The following KIAA1328 variants were observed in gnomAD, a reference collection of about 807,000 sequenced individuals.
KIAA1328 encodes protein hinderin.
Under a neutral mutation model 68.1 loss-of-function variants are expected in KIAA1328, and 52 were observed. That is an observed-to-expected ratio of 0.76 (90% CI 0.61 to 0.96). The LOEUF is 0.96. Ranked by LOEUF, KIAA1328 falls within the 40% of genes least tolerant of loss-of-function variation. The pLI is 0.00. For missense variants in KIAA1328, 641 were observed against 677.6 expected, an observed-to-expected ratio of 0.95 and a Z score of 0.60; for synonymous variants, 232 against 239.4, an observed-to-expected ratio of 0.97 and a Z score of 0.28.
chr18:37,077,740 A>T, intron 7 of KIAA1328, among the ~76,000 whole-genome samples: 1 of 140,900 alleles, frequency 7.1e-6, no homozygotes, highest in Non-Finnish European at 1.5e-5. Context: ...TGCTTCAAAG[A>T]GAATAAAATA....
At chr18:37,098,130 G>A (rs1286402930) in intron 7 of KIAA1328, among the ~76,000 whole-genome samples, 1 of 152,208 alleles carries the variant, frequency 6.6e-6, no homozygotes, top group African/African-American at 2.4e-5. Flanking sequence ...AGTGGTGAGA[G>A]AGGGCATCCC....
At chr18:36,860,492 C>T (rs1203424084) in intron 4 of KIAA1328, among the ~76,000 whole-genome samples, 1 of 151,970 alleles carries the variant, frequency 6.6e-6, no homozygotes, top group Non-Finnish European at 1.5e-5. Context: ...TCTGGTTACC[C>T]TGGAGAATTG....
intron 7 of KIAA1328, among the ~76,000 whole-genome samples, chr18:37,111,238 G>A (rs1371087838): frequency 6.6e-6 from 1 of 152,208 alleles, no homozygotes; most frequent in East Asian, 1.9e-4. Context: ...TGGAACTTAG[G>A]AACAGGCTGA....
At chr18:37,105,825 G>A (rs2057754610) in intron 7 of KIAA1328, among the ~76,000 whole-genome samples, 2 of 143,050 alleles carry the variant, frequency 1.4e-5, no homozygotes, top group Admixed American at 1.5e-4. Context: ...GCTGAGGTAG[G>A]AGAATCATTT....
chr18:37,097,484 G>A (rs1232838976), intron 7 of KIAA1328, among the ~76,000 whole-genome samples: 2 of 152,190 alleles, frequency 1.3e-5, no homozygotes, highest in Non-Finnish European at 2.9e-5. Flanking sequence ...CAGCCTTGTA[G>A]TATAGTTTGA....
intron 4 of KIAA1328, among the ~76,000 whole-genome samples, chr18:36,870,589 T>G (rs7235869): frequency 0.1 from 15,894 of 152,200 alleles, 2,800 homozygotes; most frequent in African/African-American, 0.36. Context: ...TCTTTTTAAC[T>G]TTTTATTTGA....
At chr18:37,047,391 A>T (rs530562554) in intron 6 of KIAA1328, among the ~76,000 whole-genome samples, 95 of 152,276 alleles carry the variant, frequency 6.2e-4, no homozygotes, top group African/African-American at 2.3e-3. Flanking sequence ...TTAGATGGGC[A>T]TAAGGAATTA....
intron 5 of KIAA1328, among the ~76,000 whole-genome samples, chr18:36,933,789 G>A (rs992460719): frequency 1.3e-5 from 2 of 152,254 alleles, no homozygotes; most frequent in African/African-American, 4.8e-5. Flanking sequence ...CTGTGGAGCA[G>A]CCAGGCAGGG....
At chr18:36,885,219 C>T (rs1030887736) in intron 4 of KIAA1328, among the ~76,000 whole-genome samples, 5 of 151,876 alleles carry the variant, frequency 3.3e-5, no homozygotes, top group African/African-American at 1.2e-4. Flanking sequence ...GTTTTGGTAA[C>T]AAAAAAATGA....
intron 4 of KIAA1328, among the ~76,000 whole-genome samples, chr18:36,860,887 T>C (rs1478832630): frequency 6.6e-6 from 1 of 152,136 alleles, no homozygotes; most frequent in East Asian, 1.9e-4. Flanking sequence ...AACTTTATGA[T>C]ATGGAAAAAA....
At chr18:36,880,355 T>C (rs1020133525) in intron 4 of KIAA1328, among the ~76,000 whole-genome samples, 1 of 152,182 alleles carries the variant, frequency 6.6e-6, no homozygotes, top group African/African-American at 2.4e-5. Flanking sequence ...GTACCCACTC[T>C]CTAACCAGTC....
chr18:37,109,380 G>A (rs564746643), intron 7 of KIAA1328, among the ~76,000 whole-genome samples: 66 of 152,246 alleles, frequency 4.3e-4, no homozygotes, highest in African/African-American at 1.1e-3. Context: ...GTTACCCCTC[G>A]TATATGGCAT....
chr18:36,971,235 T>C (rs2052193482), intron 6 of KIAA1328, among the ~76,000 whole-genome samples: 1 of 152,190 alleles, frequency 6.6e-6, no homozygotes, highest in South Asian at 2.1e-4. Flanking sequence ...TGGAAAACTA[T>C]GTAGCCCTAT....
intron 6 of KIAA1328, among the ~76,000 whole-genome samples, chr18:37,045,703 G>C (rs1599070397): frequency 6.6e-6 from 1 of 152,116 alleles, no homozygotes; most frequent in Non-Finnish European, 1.5e-5. Flanking sequence ...TACTATTTCA[G>C]GCTTCTCAAT....
intron 6 of KIAA1328, among the ~76,000 whole-genome samples, chr18:37,064,657 C>G (rs147974463): frequency 8.3e-4 from 125 of 150,920 alleles, no homozygotes; most frequent in African/African-American, 2.8e-3. Flanking sequence ...GGGAAATTAA[C>G]TGTATTACCC....
intron 6 of KIAA1328, among the ~76,000 whole-genome samples, chr18:36,994,257 A>G (rs543800924): frequency 6.6e-6 from 1 of 152,322 alleles, no homozygotes; most frequent in South Asian, 2.1e-4. Flanking sequence ...GGTGTGCTTC[A>G]AGCTAGTCTA....
chr18:37,146,957 A>T (rs1423231816), intron 7 of KIAA1328, among the ~76,000 whole-genome samples: 1 of 152,018 alleles, frequency 6.6e-6, no homozygotes, highest in Non-Finnish European at 1.5e-5. Context: ...GAGTAGATTA[A>T]CTCCCTCAGG....
chr18:36,877,992 T>C (rs2048196822), intron 4 of KIAA1328, among the ~76,000 whole-genome samples: 1 of 152,112 alleles, frequency 6.6e-6, no homozygotes, highest in Non-Finnish European at 1.5e-5. Context: ...AATTGGGGCA[T>C]TTAGCCCACT....
chr18:37,064,546 C>CA, intron 6 of KIAA1328, among the ~76,000 whole-genome samples: 1 of 145,168 alleles, frequency 6.9e-6, no homozygotes, highest in Non-Finnish European at 1.5e-5. Flanking sequence ...ACCCCCCCCC[C>CA]CAAATATGAC....
Sources: allele counts gnomAD v4.1 joint callset (sites outside exome capture counted in the v4.1 genomes callset), GRCh38; gene constraint gnomAD v4.1.1; transcripts MANE v1.5; gene names NCBI Gene and HGNC (gene_info 2026-07-23, HGNC 2026-07-21).